HDAC9: variants seen among roughly 807,000 people sequenced by gnomAD.
HDAC9 encodes MEF-2 interacting transcription repressor (MITR) protein.
In HDAC9, 41 loss-of-function variants were observed where a neutral mutation model predicts 139.4. The observed-to-expected ratio is 0.29, with a 90% CI of 0.23 to 0.38. HDAC9 has a LOEUF of 0.38. HDAC9 is among the 10% of genes least tolerant of loss of function. The pLI is 1.00. For synonymous variants in HDAC9, 517 were observed against 476.2 expected (o/e 1.09, Z -1.12); for missense variants, 1,147 against 1,297.0 (o/e 0.88, Z 1.78).
upstream of HDAC9, among the ~76,000 whole-genome samples, chr7:18,287,771 A>C (rs1161868153): frequency 1.1e-4 from 16 of 152,186 alleles, no homozygotes; most frequent in Non-Finnish European, 4.4e-5. Flanking sequence ...CTTTTCAATG[A>C]GGCTGTACTG....
At chr7:18,175,838 G>C (rs1788856329) in intron 2 of HDAC9, among the ~76,000 whole-genome samples, 1 of 138,358 alleles carries the variant, frequency 7.2e-6, no homozygotes, top group Admixed American at 7.9e-5. Context: ...GCTTATGATA[G>C]ATGGTTGCTC....
intron 1 of HDAC9, among the ~76,000 whole-genome samples, chr7:18,367,260 T>C (rs533354215): frequency 2.6e-5 from 4 of 152,236 alleles, no homozygotes; most frequent in South Asian, 2.1e-4. Flanking sequence ...CCAGTTGATA[T>C]GATAAATGTA....
At chr7:18,828,428 G>A (rs927883968) in intron 17 of HDAC9, among the ~76,000 whole-genome samples, 5 of 152,142 alleles carry the variant, frequency 3.3e-5, no homozygotes, top group African/African-American at 9.7e-5. Flanking sequence ...TCAGCTTTCC[G>A]TGATGCATTC....
chr7:18,136,154 G>T (rs1785399289), intron 1 of HDAC9, among the ~76,000 whole-genome samples: 1 of 149,260 alleles, frequency 6.7e-6, no homozygotes. Flanking sequence ...GGGGTTGTTT[G>T]TTTTTTTCTT....
intron 11 of HDAC9, among the ~76,000 whole-genome samples, chr7:18,656,032 A>C (rs1791016092): frequency 1.3e-5 from 2 of 150,160 alleles, no homozygotes; most frequent in Admixed American, 1.3e-4. Context: ...GAAAACTGCC[A>C]GTGGGTAGCA....
chr7:18,182,916 A>G (rs1447536849), intron 2 of HDAC9, among the ~76,000 whole-genome samples: 1 of 152,200 alleles, frequency 6.6e-6, no homozygotes, highest in African/African-American at 2.4e-5. Flanking sequence ...AAAACGGAAG[A>G]AAGAGAGAAG....
At chr7:18,601,677 C>G (rs1438539731) in intron 6 of HDAC9, among the ~76,000 whole-genome samples, 1 of 152,218 alleles carries the variant, frequency 6.6e-6, no homozygotes, top group East Asian at 1.9e-4. Context: ...AGAGTCCTCA[C>G]AAATTAATGT....
At chr7:18,816,902 G>A (rs1434084815) in intron 17 of HDAC9, among the ~76,000 whole-genome samples, 3 of 152,138 alleles carry the variant, frequency 2.0e-5, no homozygotes, top group Admixed American at 2.0e-4. Context: ...ACATATAAAT[G>A]ACCTATCAGA....
chr7:18,924,002 A>G (rs555281784), intron 22 of HDAC9, among the ~76,000 whole-genome samples: 34 of 152,166 alleles, frequency 2.2e-4, no homozygotes, highest in African/African-American at 7.0e-4. Flanking sequence ...AGTATTTGAA[A>G]AGAAGCCTTT....
intron 1 of HDAC9, among the ~76,000 whole-genome samples, chr7:18,478,308 G>C (rs1795284934): frequency 6.6e-6 from 1 of 151,992 alleles, no homozygotes; most frequent in Admixed American, 6.5e-5. Context: ...CCTGACCTCG[G>C]GATCCGCCTG....
intron 2 of HDAC9, among the ~76,000 whole-genome samples, chr7:18,569,852 A>T (rs891370541): frequency 2.6e-5 from 4 of 152,036 alleles, no homozygotes; most frequent in Non-Finnish European, 4.4e-5. Flanking sequence ...ATGCACAGGG[A>T]ACCTAAAAAA....
intron 1 of HDAC9, among the ~76,000 whole-genome samples, chr7:18,294,086 C>G (rs1318672120): frequency 6.6e-6 from 1 of 152,096 alleles, no homozygotes; most frequent in Non-Finnish European, 1.5e-5. Flanking sequence ...GCATCTCCTG[C>G]TGGAGATCCA....
intron 2 of HDAC9, among the ~76,000 whole-genome samples, chr7:18,279,039 C>T (rs56221959): frequency 0.29 from 44,356 of 151,872 alleles, 7,171 homozygotes; most frequent in Non-Finnish European, 0.36. Flanking sequence ...AGAAAGATAT[C>T]GGACCAATCT....
At chr7:18,363,883 C>T (rs925960148) in intron 1 of HDAC9, among the ~76,000 whole-genome samples, 17 of 152,212 alleles carry the variant, frequency 1.1e-4, no homozygotes, top group African/African-American at 3.6e-4. Context: ...CCCCAGAATT[C>T]ATTTGCTTTT....
intron 23 of HDAC9, among the ~76,000 whole-genome samples, chr7:18,948,388 A>G (rs147684914): frequency 1.3e-5 from 2 of 152,198 alleles, no homozygotes; most frequent in East Asian, 3.9e-4. Flanking sequence ...ATTAAAAATC[A>G]GTGAAAATTT....
At chr7:18,304,861 T>A (rs1376604084) in intron 1 of HDAC9, among the ~76,000 whole-genome samples, 2 of 152,120 alleles carry the variant, frequency 1.3e-5, no homozygotes, top group Non-Finnish European at 2.9e-5. Flanking sequence ...GGAAAATGTA[T>A]GAAAATGATC....
chr7:18,142,907 C>G (rs1022584469), intron 1 of HDAC9, among the ~76,000 whole-genome samples: 6 of 152,212 alleles, frequency 3.9e-5, no homozygotes, highest in Admixed American at 6.5e-5. Context: ...GAGGGAGCCT[C>G]CTTCCTTATA....
chr7:18,420,976 T>A (rs893014128), intron 1 of HDAC9, among the ~76,000 whole-genome samples: 1 of 152,182 alleles, frequency 6.6e-6, no homozygotes. Context: ...TGCAAAGATA[T>A]AGCATAATGA....
At chr7:18,919,622 C>A (rs1288661890) in intron 22 of HDAC9, among the ~76,000 whole-genome samples, 1 of 151,862 alleles carries the variant, frequency 6.6e-6, no homozygotes, top group Non-Finnish European at 1.5e-5. Flanking sequence ...GAAAAGAGCA[C>A]TTGAAAGGGA....
Sources: allele counts gnomAD v4.1 joint callset (sites outside exome capture counted in the v4.1 genomes callset), GRCh38; gene constraint gnomAD v4.1.1; transcripts MANE v1.5; gene names NCBI Gene and HGNC (gene_info 2026-07-23, HGNC 2026-07-21).